SLC39A14: variants seen among roughly 807,000 people sequenced by gnomAD.
SLC39A14 encodes the protein solute carrier family 39 member 14.
Under a neutral mutation model 45.5 loss-of-function variants are expected in SLC39A14, and 19 were observed. That is an observed-to-expected ratio of 0.42 (90% CI 0.29 to 0.61). SLC39A14 has a LOEUF of 0.61. SLC39A14 is among the 20% of genes least tolerant of loss of function. The probability of loss-of-function intolerance (pLI) is 0.22; values close to 1 mark genes in which losing one functional copy is unlikely to be tolerated. For missense variants in SLC39A14, 447 were observed against 616.5 expected, an observed-to-expected ratio of 0.73 and a Z score of 2.91; for synonymous variants, 264 against 251.3, an observed-to-expected ratio of 1.05 and a Z score of -0.48.
At chr8:22,396,970 T>G (rs891924885) in intron 1 of SLC39A14, among the ~76,000 whole-genome samples, 4 of 151,938 alleles carry the variant, frequency 2.6e-5, no homozygotes, top group Non-Finnish European at 5.9e-5. Context: ...GTTAATTTTT[T>G]TTTCTTTTAA....
chr8:22,391,247 T>A (rs111444250), intron 1 of SLC39A14, among the ~76,000 whole-genome samples: 4,630 of 152,236 alleles, frequency 0.03, 223 homozygotes, highest in African/African-American at 0.1. Flanking sequence ...CTTGTTGAAT[T>A]GTTTGCTTTC....
chr8:22,418,405 C>G (rs1221409335), intron 8 of SLC39A14, among the ~76,000 whole-genome samples: 1 of 152,066 alleles, frequency 6.6e-6, no homozygotes, highest in African/African-American at 2.4e-5. Flanking sequence ...TATGGAATGG[C>G]TGTATATAGA....
At chr8:22,424,759 GC>G (rs1836354194), downstream of SLC39A14, among the ~76,000 whole-genome samples, 1 of 151,030 alleles carries the variant, frequency 6.6e-6, no homozygotes, top group African/African-American at 2.5e-5. Flanking sequence ...AGGTGCAATG[GC>G]TCACGCCTGT....
At chr8:22,368,891 C>T (rs1174957712) in intron 1 of SLC39A14, among the ~76,000 whole-genome samples, 1 of 152,178 alleles carries the variant, frequency 6.6e-6, no homozygotes, top group Non-Finnish European at 1.5e-5. Context: ...TGTCCATATA[C>T]ATCCTTGGAT....
rs1836262853 is a variant in SLC39A14, at chr8:22,422,162, C to G, written c.*2464C>G. On this transcript the variant is annotated 3_prime_UTR_variant, in exon 9 of 9. Transcript: ENST00000381237. ...CAAGTCAGTGGGAGGACTTTTTCAC[C>G]CCTGGCATTAGCAGCTTCGACCTCA... 4 of 985,214 alleles carry G rather than the reference C, an allele frequency of 4.1e-6. No homozygotes were observed. In the South Asian group the frequency reaches 1.4e-4, roughly 35 times the overall value. 61.0% of individuals were successfully genotyped at this position (985,214 alleles called of 1,614,324 possible).
intron 1 of SLC39A14, among the ~76,000 whole-genome samples, chr8:22,377,480 C>A (rs1483662232): frequency 6.6e-6 from 1 of 152,166 alleles, no homozygotes; most frequent in Non-Finnish European, 1.5e-5. Context: ...TGGGTCCTCT[C>A]AGCAGACAAA....
chr8:22,424,973 G>A (rs1364270853), downstream of SLC39A14, among the ~76,000 whole-genome samples: 1 of 139,276 alleles, frequency 7.2e-6, no homozygotes, highest in East Asian at 2.4e-4. Context: ...AGGTTGCAGT[G>A]AGCCAAGATC....
chr8:22,415,955 C>T lies in SLC39A14; in HGVS notation c.937C>T (p.Gln313Ter). The T allele has an allele frequency of 6.2e-7, 1 of 1,602,814 alleles. No homozygotes were observed. Among genetic ancestry groups the T allele is most frequent in the Non-Finnish European group, 8.5e-7 (1 of 1,172,692 alleles). The change falls in exon 6 of 9, where the codon CAG becomes TAG. Residue 313 changes from glutamine to a stop codon, truncating the protein, a stop_gained and splice_region_variant. Coordinates refer to ENST00000381237, the MANE Select transcript of SLC39A14 (RefSeq NM_001128431.4). LOFTEE classifies it high-confidence loss of function. ...EKVIVGSLSV[Q>*]DLQASQSACY... Reference sequence around the variant, plus strand: ...GGTCATTGTGGGCTCGCTCTCTGTGCAGGTCAGTGGGCCACCAGCTGCTTG... The same window carrying T: ...GGTCATTGTGGGCTCGCTCTCTGTGTAGGTCAGTGGGCCACCAGCTGCTTG...
At chr8:22,407,636 C>T (rs1177726978) in intron 2 of SLC39A14, among the ~76,000 whole-genome samples, 1 of 151,968 alleles carries the variant, frequency 6.6e-6, no homozygotes, top group Non-Finnish European at 1.5e-5. Flanking sequence ...GCTGGGATTA[C>T]AGGCGAGAGC....
chr8:22,404,300 C>G (rs1329107224), intron 1 of SLC39A14, among the ~76,000 whole-genome samples: 2 of 151,388 alleles, frequency 1.3e-5, no homozygotes, highest in East Asian at 2.0e-4. Context: ...GTGGCGGGCC[C>G]CTGTAATACC....
At chr8:22,424,096 A>C (rs1836341708), downstream of SLC39A14, among the ~76,000 whole-genome samples, 1 of 152,026 alleles carries the variant, frequency 6.6e-6, no homozygotes, top group Non-Finnish European at 1.5e-5. Context: ...AAAATCGATT[A>C]GTTTATCTCT....
At chr8:22,414,757 A>C in intron 4 of SLC39A14, 23 bp from the exon 5 acceptor site, 1 of 1,583,128 alleles carries the variant, frequency 6.3e-7, no homozygotes, top group Non-Finnish European at 8.5e-7. Flanking sequence ...TTTAAAACTC[A>C]TTTTCTTTTC....
At chr8:22,397,371 G>A (rs1033048473) in intron 1 of SLC39A14, among the ~76,000 whole-genome samples, 2 of 152,168 alleles carry the variant, frequency 1.3e-5, no homozygotes, top group African/African-American at 4.8e-5. Flanking sequence ...GAGGTCAGGA[G>A]ATCGAGACCA....
intron 1 of SLC39A14, among the ~76,000 whole-genome samples, chr8:22,373,269 A>G (rs1833033105): frequency 6.6e-6 from 1 of 152,176 alleles, no homozygotes; most frequent in Admixed American, 6.5e-5. Flanking sequence ...CTCAAAAAAA[A>G]AAAAAAAGTT....
At chr8:22,402,177 T>C (rs1449320667) in intron 1 of SLC39A14, among the ~76,000 whole-genome samples, 3 of 152,122 alleles carry the variant, frequency 2.0e-5, no homozygotes, top group Non-Finnish European at 4.4e-5. Context: ...GTCAGGAGAT[T>C]GAGACCATCC....
At chr8:22,412,365 G>A (rs1246372463) in intron 4 of SLC39A14, among the ~76,000 whole-genome samples, 159 bp downstream of exon 4, 1 of 152,236 alleles carries the variant, frequency 6.6e-6, no homozygotes, top group Non-Finnish European at 1.5e-5. Flanking sequence ...GCCCAGCATA[G>A]GCTGAAGAGC....
intron 8 of SLC39A14, among the ~76,000 whole-genome samples, chr8:22,418,771 C>T (rs548968385): frequency 7.2e-5 from 11 of 152,256 alleles, no homozygotes; most frequent in Admixed American, 2.6e-4. Context: ...TCAAGGGATC[C>T]TCCCATCTCA....
intron 1 of SLC39A14, among the ~76,000 whole-genome samples, chr8:22,382,586 C>T (rs958188434): frequency 1.3e-5 from 2 of 152,136 alleles, no homozygotes; most frequent in Non-Finnish European, 2.9e-5. Context: ...GTAGGAGGAT[C>T]CCTTGAGCCC....
At chr8:22,368,343 T>C (rs1306128714) in intron 1 of SLC39A14, among the ~76,000 whole-genome samples, 36 of 152,224 alleles carry the variant, frequency 2.4e-4, no homozygotes, top group East Asian at 1.9e-3. Flanking sequence ...GTGCTCCTGC[T>C]GAGGAGTGGC....
Sources: allele counts gnomAD v4.1 joint callset (sites outside exome capture counted in the v4.1 genomes callset), GRCh38; gene constraint gnomAD v4.1.1; transcripts MANE v1.5; gene names NCBI Gene and HGNC (gene_info 2026-07-23, HGNC 2026-07-21).